The following ECE2 variants were observed in gnomAD, a reference collection of about 807,000 sequenced individuals.
The protein encoded by ECE2 is endothelin converting enzyme 2.
In ECE2, 81 loss-of-function variants were observed where a neutral mutation model predicts 100.6. The ratio of observed to expected loss-of-function variants is 0.81; its 90% CI spans 0.67 to 0.97. The LOEUF is 0.97. Ranked by LOEUF, ECE2 falls within the 50% of genes least tolerant of loss-of-function variation. The pLI is 0.00. For synonymous variants in ECE2, 391 were observed against 391.5 expected (o/e 1.00, Z 0.02); for missense variants, 911 against 988.1 (o/e 0.92, Z 1.05).
At chr3:184,285,372 A>T in intron 9 of ECE2, 106 bp from the exon 10 acceptor site, 1 of 981,218 alleles carries the variant, frequency 1.0e-6, no homozygotes, top group Non-Finnish European at 1.6e-6. Context: ...CAGCTTCCAC[A>T]TATGCCTCTC....
rs199901698 is a variant in ECE2 at position 184,277,401 on chromosome 3, G to A, written c.413G>A (p.Arg138His). 35 of 1,614,244 alleles carry A rather than the reference G, an allele frequency of 2.2e-5. No individual in the cohort carries two copies. The highest frequency in any genetic ancestry group is 1.6e-4 in the Middle Eastern group (1 of 6,062). ...CGGAGGAACCCCCTGCCCGATGGGC[G>A]TTCTCGCTGGAACACCTTCAACAGC... ...WIRRNPLPDG[R>H]SRWNTFNSLW... Residue 138 changes from arginine to histidine, a missense_variant, in exon 4 of 19, where the codon CGT (arginine) becomes CAT (histidine). Coordinates refer to ENST00000404464, the MANE Select transcript of ECE2 (RefSeq NM_001100121.2).
At position 184,292,042 on chromosome 3, in the gene ECE2, A is replaced by C. The variant is rs564036235; in HGVS notation, c.2122-20A>C. 1.9e-6 allele frequency: 3 copies of C among 1,601,384 alleles called. No individual in the cohort carries two copies. Among genetic ancestry groups the C allele is most frequent in the South Asian group, 2.2e-5 (2 of 90,120 alleles). On this transcript the variant is annotated intron_variant, in intron 18 of 18. Transcript: ENST00000404464. ...TCCACACTAGACACCATATGCCCCC[A>C]TGTCTGTCCTGGCCCGCAGGTGTGG... is the stretch of plus-strand genomic sequence containing the variant.
At chr3:184,284,135 G>T (rs1720930245) in intron 8 of ECE2, among the ~76,000 whole-genome samples, 162 bp downstream of exon 8, 1 of 151,988 alleles carries the variant, frequency 6.6e-6, no homozygotes, top group Admixed American at 6.6e-5. Flanking sequence ...GGAAAAAAAT[G>T]GTGTCCATTT....
intron 3 of ECE2, 82 bp downstream of exon 3, chr3:184,277,109 G>A: frequency 6.2e-7 from 1 of 1,602,254 alleles, no homozygotes; most frequent in Non-Finnish European, 8.5e-7. Flanking sequence ...TCACTTGTGG[G>A]AACCAAGCCT....
At position 184,277,916 on chromosome 3, in the gene ECE2, G is replaced by A; in HGVS notation, c.479-9G>A. ...AATTGCCACCTGGATCCTGTGTTCT[G>A]CCCCACAGAAAACACCACCTTCAAC... On this transcript the variant is annotated splice_polypyrimidine_tract_variant and intron_variant, in intron 4 of 18. Coordinates refer to ENST00000404464, the MANE Select transcript of ECE2 (RefSeq NM_001100121.2). 6.2e-7 allele frequency: 1 copy of A among 1,611,060 alleles called. No homozygotes were observed. The highest frequency in any genetic ancestry group is 2.2e-5 in the East Asian group (1 of 44,870).
intron 9 of ECE2, 145 bp downstream of exon 9, chr3:184,285,250 C>T: frequency 8.0e-7 from 1 of 1,251,178 alleles, no homozygotes; most frequent in Non-Finnish European, 1.1e-6. Flanking sequence ...ATGGGCTTTT[C>T]CTCTGCGCTA....
At position 184,292,736 on chromosome 3, in the gene ECE2, T is replaced by C. The variant is rs1721385290; in HGVS notation, c.*498T>C. ...GTGCTCCTTGTGCCACTGCTCCCAG[T>C]GCTGCTGCTGACCTTCACTGACAGC... is the stretch of plus-strand genomic sequence containing the variant. On this transcript the variant is annotated 3_prime_UTR_variant, in exon 19 of 19. Transcript: ENST00000404464. 6.2e-6 allele frequency: 1 copy of C among 160,634 alleles called. No homozygotes were observed. Among genetic ancestry groups the C allele is most frequent in the Admixed American group, 6.0e-5 (1 of 16,564 alleles). The allele number at this position is 160,634 out of a possible 1,614,324, so 10.0% of individuals were successfully genotyped here.
In ECE2 at chr3:184,276,026, C is replaced by T; in HGVS notation, c.-128C>T. 9.4e-7 allele frequency: 1 copy of T among 1,059,920 alleles called. No individual in the cohort carries two copies. The highest frequency in any genetic ancestry group is 1.1e-6 in the Non-Finnish European group (1 of 876,272). The allele number at this position is 1,059,920 out of a possible 1,614,324, so 65.7% of individuals were successfully genotyped here. On this transcript the variant is annotated 5_prime_UTR_variant, in exon 1 of 19. Coordinates refer to ENST00000404464, the MANE Select transcript of ECE2 (RefSeq NM_001100121.2). ...CGGGCGGGGGGGGGGGCGGCCGCGG[C>T]CGAGCGGGGGTGCTGCGCGGCGGCC... is the stretch of plus-strand genomic sequence containing the variant.
At position 184,289,610 on chromosome 3, in the gene ECE2, AG is replaced by A; in HGVS notation, c.1474-29del. On this transcript the variant is annotated intron_variant, in intron 12 of 18. Coordinates refer to ENST00000404464, the MANE Select transcript of ECE2 (RefSeq NM_001100121.2). This position sits in a 1 kb window ranked among gnomAD's most constrained non-coding sequence, Gnocchi z 4.1. ...TACAGTTTTGCTAGGAACCTGGGGA[AG>A]GAAACAAACCCTTAACCTGGTCTCT... 1 of 1,613,578 alleles carries A rather than the reference AG, an allele frequency of 6.2e-7. No individual in the cohort carries two copies. Among genetic ancestry groups the A allele is most frequent in the Non-Finnish European group, 8.5e-7 (1 of 1,179,526 alleles).
intron 7 of ECE2, among the ~76,000 whole-genome samples, chr3:184,281,730 C>A (rs1434122714): frequency 6.6e-6 from 1 of 152,234 alleles, no homozygotes; most frequent in Non-Finnish European, 1.5e-5. Context: ...GTCAGCATGT[C>A]ACTGGTTGCC....
chr3:184,283,972 A>T lies in ECE2; in HGVS notation c.1004A>T (p.Gln335Leu), dbSNP rs755678071. 7 of 1,613,406 alleles carry T rather than the reference A, an allele frequency of 4.3e-6. No homozygotes were observed. Among genetic ancestry groups the T allele is most frequent in the Admixed American group, 1.7e-5 (1 of 59,982 alleles). ...CACAAGATGAGCATTTCGGAGCTGCAGGTGGGGCAGGCAGGGGGCTGGAGA... is the reference window on the plus strand; with the variant it reads ...CACAAGATGAGCATTTCGGAGCTGCTGGTGGGGCAGGCAGGGGGCTGGAGA... The part of the protein sequence containing the change: ...IYHKMSISEL[Q>L]ALAPSMDWLE... The change falls in exon 8 of 19, where the codon CAG (glutamine) becomes CTG (leucine). Residue 335 changes from glutamine (Q) to leucine (L), a missense_variant and splice_region_variant. Coordinates refer to ENST00000404464, the MANE Select transcript of ECE2 (RefSeq NM_001100121.2).
chr3:184,283,847 C>T lies in ECE2; in HGVS notation c.879C>T (p.Thr293=). The stretch of plus-strand genomic sequence containing the variant: ...GGATGCTGCTGGGTGGGCGGCCCAC[C>T]TCCACGAGGGAGCAGATGCAGCAGG... The part of the protein sequence containing the change: ...ELGMLLGGRP[T]STREQMQQVL... The change falls in exon 8 of 19, where the codon ACC becomes ACT. Residue 293 remains threonine, a synonymous_variant. Transcript: ENST00000404464. 6.2e-7 allele frequency: 1 copy of T among 1,613,858 alleles called. No homozygotes were observed. Among genetic ancestry groups the T allele is most frequent in the South Asian group, 1.1e-5 (1 of 91,060 alleles).
chr3:184,279,869 G>A (rs1424092362), intron 7 of ECE2, among the ~76,000 whole-genome samples: 1 of 152,104 alleles, frequency 6.6e-6, no homozygotes, highest in Admixed American at 6.6e-5. Flanking sequence ...GGGAGGGAGC[G>A]CAGTGCTTTG....
rs370286156 is a variant in ECE2 at position 184,278,164 on chromosome 3, T to C, written c.604-3T>C. 1.9e-6 allele frequency: 3 copies of C among 1,613,920 alleles called. No homozygotes were observed. Among genetic ancestry groups the C allele is most frequent in the African/African-American group, 2.7e-5 (2 of 74,916 alleles). On this transcript the variant is annotated splice_polypyrimidine_tract_variant and splice_region_variant and intron_variant, in intron 5 of 18. Coordinates refer to ENST00000404464, the MANE Select transcript of ECE2 (RefSeq NM_001100121.2). ...AATCATTCCACTTATGGTCTCTACA[T>C]AGATTGGTGGTTGGAACATTACGGG...
intron 10 of ECE2, 90 bp downstream of exon 10, chr3:184,285,682 G>GCCTGT: frequency 1.0e-6 from 1 of 968,158 alleles, no homozygotes; most frequent in Non-Finnish European, 1.7e-6. Context: ...GCCTCATGGT[G>GCCTGT]CACAGGTGCA....
At chr3:184,281,773 A>G (rs768713662) in intron 7 of ECE2, among the ~76,000 whole-genome samples, 6 of 152,220 alleles carry the variant, frequency 3.9e-5, no homozygotes, top group Non-Finnish European at 7.3e-5. Context: ...GATCTAGAGA[A>G]AGATGCAACA....
At chr3:184,284,084 TTGCTTTTCTG>T (rs1051632343) in intron 8 of ECE2, 111 bp downstream of exon 8, 4 of 1,353,036 alleles carry the variant, frequency 3.0e-6, no homozygotes, top group Non-Finnish European at 4.1e-6. Flanking sequence ...CCTCATTCCC[TTGCTTTTCTG>T]TGCTCCCCAG....
At position 184,278,289 on chromosome 3, in the gene ECE2, G is replaced by A. The variant is rs1720659531; in HGVS notation, c.726G>A (p.Lys242=). ...CCGTCTACATCAGTGCCGACTCTAA[G>A]AGTTCCAACAGCAATGTTATCCAGG... ...FFTVYISADS[K]SSNSNVIQVD... is the part of the protein sequence containing the mutation. The change falls in exon 6 of 19, where the codon AAG becomes AAA. Residue 242 remains lysine (K), a synonymous_variant. Coordinates refer to ENST00000404464, the MANE Select transcript of ECE2 (RefSeq NM_001100121.2). The A allele has an allele frequency of 5.0e-6, 8 of 1,614,116 alleles. No homozygotes were observed. Among genetic ancestry groups the A allele is most frequent in the Non-Finnish European group, 6.8e-6 (8 of 1,180,014 alleles).
In ECE2 at chr3:184,277,311, A is replaced by G. The variant is rs765444695; in HGVS notation, c.323A>G (p.Glu108Gly). Residue 108 changes from glutamate (E) to glycine (G), a missense_variant, in exon 4 of 19, where the codon GAG becomes GGG. By Grantham distance (98) the Glu-to-Gly change is moderately conservative (BLOSUM62 -2). Coordinates refer to ENST00000404464, the MANE Select transcript of ECE2 (RefSeq NM_001100121.2). ...ATTCGAGTGGCTGGAAAAATCCTGG[A>G]GTCCCTGGACCGAGGGGTGAGCCCC... ...ACIRVAGKIL[E>G]SLDRGVSPCE... 6.2e-7 allele frequency: 1 copy of G among 1,614,192 alleles called. No individual in the cohort carries two copies. Among genetic ancestry groups the G allele is most frequent in the Non-Finnish European group, 8.5e-7 (1 of 1,180,024 alleles).
Sources: gnomAD v4.1 joint callset for allele counts (sites outside exome capture counted in the v4.1 genomes callset) on GRCh38, gnomAD v4.1.1 for gene constraint, Gnocchi (gnomAD v3.1) non-coding constraint, MANE v1.5 for transcripts, NCBI Gene and HGNC (gene_info 2026-07-23, HGNC 2026-07-21) for gene names.